The following TET1 variants were observed in gnomAD, a reference collection of about 807,000 sequenced individuals.
The protein encoded by TET1 is methylcytosine dioxygenase TET1.
Under a neutral mutation model 148.7 loss-of-function variants are expected in TET1, and 13 were observed. The observed-to-expected ratio is 0.09, with a 90% CI of 0.06 to 0.14. The LOEUF (loss-of-function observed/expected upper bound fraction) is 0.14, where lower values mean the gene tolerates loss of function less well. Ranked by LOEUF, TET1 falls within the 10% of genes least tolerant of loss-of-function variation. TET1 has a pLI of 1.00. For missense variants in TET1, 2,182 were observed against 2,553.8 expected (o/e 0.85, Z 3.14); for synonymous variants, 907 against 937.2 (o/e 0.97, Z 0.59).
intron 6 of TET1, 66 bp downstream of exon 6, chr10:68,652,660 A>G: frequency 1.9e-6 from 2 of 1,073,404 alleles, no homozygotes; most frequent in South Asian, 2.9e-5. Context: ...TTATACATTT[A>G]CAATAGCCAG....
At chr10:68,660,070 T>C (rs1430519604) in intron 6 of TET1, among the ~76,000 whole-genome samples, 1 of 152,162 alleles carries the variant, frequency 6.6e-6, no homozygotes, top group Non-Finnish European at 1.5e-5. Context: ...TGACCCTTCT[T>C]TGGAAAGATA....
At chr10:68,633,224 T>A (rs1368003883) in intron 3 of TET1, among the ~76,000 whole-genome samples, 1 of 152,194 alleles carries the variant, frequency 6.6e-6, no homozygotes, top group African/African-American at 2.4e-5. Flanking sequence ...TGTTGAAGTC[T>A]GCCTTCTATA....
chr10:68,571,191 C>T (rs2053666022), intron 1 of TET1, among the ~76,000 whole-genome samples: 2 of 151,740 alleles, frequency 1.3e-5, no homozygotes, highest in Middle Eastern at 3.4e-3. Context: ...GGTTTTGACA[C>T]GTTGGCCAGG....
At chr10:68,598,208 G>A (rs968358111) in intron 2 of TET1, among the ~76,000 whole-genome samples, 2 of 152,174 alleles carry the variant, frequency 1.3e-5, no homozygotes, top group Non-Finnish European at 2.9e-5. Flanking sequence ...GACCAACATG[G>A]TGAAACCTCG....
intron 1 of TET1, among the ~76,000 whole-genome samples, chr10:68,561,506 C>A (rs2053552506): frequency 6.6e-6 from 1 of 152,172 alleles, no homozygotes; most frequent in African/African-American, 2.4e-5. Context: ...GCTGGCCTTG[C>A]GATCCCATCA....
intron 3 of TET1, among the ~76,000 whole-genome samples, chr10:68,632,913 C>CTT (rs978571941): frequency 8.0e-5 from 12 of 150,330 alleles, no homozygotes; most frequent in African/African-American, 2.7e-4. Flanking sequence ...CTCCTGAACT[C>CTT]TTAAGGAGCA....
intron 2 of TET1, among the ~76,000 whole-genome samples, chr10:68,595,159 A>G (rs1004527673): frequency 2.0e-5 from 3 of 151,938 alleles, no homozygotes; most frequent in Non-Finnish European, 4.4e-5. Context: ...TCAAGAAAAA[A>G]AAAAAAAATC....
chr10:68,615,220 C>T (rs1462552869), intron 3 of TET1, among the ~76,000 whole-genome samples: 6 of 151,698 alleles, frequency 4.0e-5, no homozygotes, highest in Admixed American at 6.6e-5. Context: ...CTTGAGCCAC[C>T]GCTCCCAGCC....
chr10:68,632,777 C>T, intron 3 of TET1: 1 of 1,415,512 alleles, frequency 7.1e-7, no homozygotes, highest in Non-Finnish European at 9.8e-7. Context: ...TTAAGATCAA[C>T]CACATAAAAC....
At chr10:68,584,924 G>A (rs1281222509) in intron 2 of TET1, among the ~76,000 whole-genome samples, 6 of 151,316 alleles carry the variant, frequency 4.0e-5, no homozygotes, top group Non-Finnish European at 7.4e-5. Context: ...GGGTTCAAGC[G>A]ATTTTCCTGC....
At chr10:68,563,508 C>T (rs1005507334) in intron 1 of TET1, among the ~76,000 whole-genome samples, 1 of 152,178 alleles carries the variant, frequency 6.6e-6, no homozygotes, top group African/African-American at 2.4e-5. Flanking sequence ...GCAAATACCA[C>T]GTTTTTGGCC....
chr10:68,603,370 A>T (rs2054082753), intron 3 of TET1, among the ~76,000 whole-genome samples: 1 of 152,180 alleles, frequency 6.6e-6, no homozygotes, highest in Non-Finnish European at 1.5e-5. Flanking sequence ...TGGGTATAGA[A>T]TTTGAGACTT....
At position 68,573,780 on chromosome 10, in the gene TET1, C is replaced by T; in HGVS notation, c.1442C>T (p.Ser481Leu). The stretch of plus-strand genomic sequence containing the variant: ...TCAGGACACACTCCTCAATCATCAT[C>T]AAACTCAGAGAAAAATTCATTACCT... ...LGSGHTPQSS[S>L]NSEKNSLPPV... The change falls in exon 2 of 12, where the codon TCA becomes TTA. Residue 481 changes from serine to leucine, a missense_variant. Physicochemically the swap from Ser to Leu is moderately radical, Grantham distance 145. This residue lies in a region of TET1 where 665 missense variants were observed against 672.4 expected (regional missense o/e 0.99). Transcript: ENST00000373644. 1.9e-6 allele frequency: 3 copies of T among 1,614,034 alleles called. No individual in the cohort carries two copies. The highest frequency in any genetic ancestry group is 2.5e-6 in the Non-Finnish European group (3 of 1,180,044).
intron 1 of TET1, among the ~76,000 whole-genome samples, chr10:68,570,968 GTTATT>G (rs1051348146): frequency 6.6e-6 from 1 of 150,552 alleles, no homozygotes; most frequent in African/African-American, 2.4e-5. Flanking sequence ...TTCTATTTTT[GTTATT>G]TTATTTTATT....
chr10:68,679,168 G>A (rs2055403560), intron 8 of TET1, among the ~76,000 whole-genome samples: 1 of 152,196 alleles, frequency 6.6e-6, no homozygotes. Flanking sequence ...GGGCAACAGA[G>A]TGAAACTCTG....
intron 3 of TET1, among the ~76,000 whole-genome samples, chr10:68,632,183 G>C (rs928417200): frequency 4.6e-5 from 7 of 152,030 alleles, no homozygotes; most frequent in Admixed American, 3.3e-4. Flanking sequence ...TTAGCGGGGC[G>C]TGGTGGCGGG....
chr10:68,576,619 G>T (rs1331473361), intron 2 of TET1, among the ~76,000 whole-genome samples: 1 of 152,012 alleles, frequency 6.6e-6, no homozygotes, highest in African/African-American at 2.4e-5. Flanking sequence ...CAGTGATGGT[G>T]CCACTGCATT....
intron 3 of TET1, among the ~76,000 whole-genome samples, chr10:68,629,031 A>G (rs1181762438): frequency 1.3e-5 from 2 of 152,194 alleles, no homozygotes; most frequent in African/African-American, 4.8e-5. Context: ...ATAGAAATTC[A>G]TCGTTTTGGT....
chr10:68,579,490 C>T (rs969894223), intron 2 of TET1, among the ~76,000 whole-genome samples: 2 of 152,212 alleles, frequency 1.3e-5, no homozygotes, highest in Non-Finnish European at 2.9e-5. Flanking sequence ...TATTGCACTT[C>T]TCCTAGGCTA....
Sources: allele counts gnomAD v4.1 joint callset (sites outside exome capture counted in the v4.1 genomes callset), GRCh38; gene constraint gnomAD v4.1.1; regional missense constraint gnomAD v4.1.1; transcripts MANE v1.5; gene names NCBI Gene and HGNC (gene_info 2026-07-23, HGNC 2026-07-21).